Variants in SLC2A13 observed in about 807,000 individuals in gnomAD.
SLC2A13 encodes the protein solute carrier family 2 member 13, also known as proton myo-inositol cotransporter.
In SLC2A13, 32 loss-of-function variants were observed where a neutral mutation model predicts 64.4. The ratio of observed to expected loss-of-function variants is 0.50; its 90% CI spans 0.37 to 0.67. SLC2A13 has a LOEUF of 0.67. Ranked by LOEUF, SLC2A13 falls within the 30% of genes least tolerant of loss-of-function variation. The pLI is 0.00. For synonymous variants in SLC2A13, 338 were observed against 327.1 expected (o/e 1.03, Z -0.36); for missense variants, 743 against 829.2 (o/e 0.90, Z 1.28).
At chr12:39,906,776 C>T (rs1041073771) in intron 4 of SLC2A13, among the ~76,000 whole-genome samples, 3 of 151,870 alleles carry the variant, frequency 2.0e-5, no homozygotes, top group Admixed American at 6.6e-5. Context: ...AGGTCTTCTA[C>T]GATTATTTTA....
chr12:39,927,617 A>G (rs2136066655), intron 4 of SLC2A13, among the ~76,000 whole-genome samples: 1 of 152,282 alleles, frequency 6.6e-6, no homozygotes. Context: ...AAAATATTTT[A>G]TTTGCTACTG....
chr12:39,774,043 T>A (rs1294465915), intron 7 of SLC2A13, among the ~76,000 whole-genome samples: 1 of 152,170 alleles, frequency 6.6e-6, no homozygotes, highest in Admixed American at 6.5e-5. Context: ...AACATAGATA[T>A]CCCTCTAAAA....
chr12:40,014,204 C>G (rs1204205091), intron 3 of SLC2A13, among the ~76,000 whole-genome samples: 1 of 152,000 alleles, frequency 6.6e-6, no homozygotes, highest in Non-Finnish European at 1.5e-5. Context: ...TATTTCTGGC[C>G]CAGAGGTAAA....
At chr12:39,933,406 G>C (rs932163300) in intron 4 of SLC2A13, among the ~76,000 whole-genome samples, 5 of 152,198 alleles carry the variant, frequency 3.3e-5, no homozygotes, top group Non-Finnish European at 5.9e-5. Context: ...GACTTGGGCA[G>C]ATGGCAGCAG....
intron 7 of SLC2A13, among the ~76,000 whole-genome samples, chr12:39,775,124 T>C (rs1017788919): frequency 6.6e-6 from 1 of 152,208 alleles, no homozygotes; most frequent in Non-Finnish European, 1.5e-5. Context: ...CTTTCATTTA[T>C]CACAAGATTA....
At chr12:39,830,368 A>G in intron 6 of SLC2A13, 140 bp from the exon 7 acceptor site, 2 of 1,430,960 alleles carry the variant, frequency 1.4e-6, no homozygotes, top group Non-Finnish European at 9.1e-7. Context: ...GGCCAAGGAA[A>G]GTGACATGCG....
intron 4 of SLC2A13, among the ~76,000 whole-genome samples, chr12:39,903,734 T>C (rs1945197594): frequency 6.6e-6 from 1 of 152,082 alleles, no homozygotes; most frequent in African/African-American, 2.4e-5. Context: ...ATTTGAGCTG[T>C]GCATCCAACT....
intron 1 of SLC2A13, among the ~76,000 whole-genome samples, chr12:40,059,993 C>T (rs1242215861): frequency 7.9e-5 from 12 of 151,914 alleles, no homozygotes; most frequent in Admixed American, 7.9e-4. Flanking sequence ...GCCCAAAGGG[C>T]CCCAATATTA....
At chr12:40,012,304 T>C (rs1345400430) in intron 3 of SLC2A13, among the ~76,000 whole-genome samples, 1 of 152,216 alleles carries the variant, frequency 6.6e-6, no homozygotes, top group East Asian at 1.9e-4. Flanking sequence ...GTAGCATCTG[T>C]CTCCTGTCTT....
chr12:39,929,580 A>G (rs929513463), intron 4 of SLC2A13, among the ~76,000 whole-genome samples: 1 of 151,868 alleles, frequency 6.6e-6, no homozygotes, highest in Non-Finnish European at 1.5e-5. Flanking sequence ...CATGTAATAT[A>G]GGAAACAGAA....
At chr12:39,954,419 T>C (rs1236612691) in intron 3 of SLC2A13, among the ~76,000 whole-genome samples, 1 of 152,058 alleles carries the variant, frequency 6.6e-6, no homozygotes, top group Non-Finnish European at 1.5e-5. Flanking sequence ...TACTGATCAG[T>C]GTAGGTGTGT....
At chr12:40,036,692 A>T (rs1321942944) in intron 2 of SLC2A13, among the ~76,000 whole-genome samples, 1 of 152,204 alleles carries the variant, frequency 6.6e-6, no homozygotes, top group Non-Finnish European at 1.5e-5. Context: ...TGTTATAATA[A>T]GTCTTGAAAT....
intron 7 of SLC2A13, among the ~76,000 whole-genome samples, chr12:39,816,728 TC>T (rs1341537154): frequency 6.6e-6 from 1 of 152,064 alleles, no homozygotes; most frequent in Non-Finnish European, 1.5e-5. Flanking sequence ...AATAAGCCTG[TC>T]CTTTCATGGG....
intron 7 of SLC2A13, among the ~76,000 whole-genome samples, chr12:39,803,867 C>A (rs895992212): frequency 7.2e-5 from 11 of 151,952 alleles, no homozygotes; most frequent in Non-Finnish European, 1.5e-4. Flanking sequence ...AAACAAGAAT[C>A]TTCATATTTA....
chr12:39,784,014 AC>A (rs1208077028), intron 7 of SLC2A13, among the ~76,000 whole-genome samples: 3 of 152,236 alleles, frequency 2.0e-5, no homozygotes, highest in Non-Finnish European at 4.4e-5. Context: ...AATCCAGCTT[AC>A]AAGGGATGTG....
At chr12:40,076,257 A>G (rs891021903) in intron 1 of SLC2A13, among the ~76,000 whole-genome samples, 1 of 152,178 alleles carries the variant, frequency 6.6e-6, no homozygotes, top group Non-Finnish European at 1.5e-5. Context: ...TTCATCTCCC[A>G]GGTAGAGAGC....
intron 3 of SLC2A13, among the ~76,000 whole-genome samples, chr12:39,985,634 T>C (rs891229901): frequency 6.6e-6 from 1 of 152,126 alleles, no homozygotes; most frequent in Non-Finnish European, 1.5e-5. Flanking sequence ...AATGTACTGA[T>C]ACAGAAAGAC....
At chr12:40,020,516 CTT>C (rs1565592923) in intron 3 of SLC2A13, among the ~76,000 whole-genome samples, 1 of 152,184 alleles carries the variant, frequency 6.6e-6, no homozygotes, top group Admixed American at 6.6e-5. Flanking sequence ...AATTAAACCT[CTT>C]GTCTTTATAA....
intron 2 of SLC2A13, among the ~76,000 whole-genome samples, chr12:40,037,000 T>A (rs986902634): frequency 1.3e-5 from 2 of 152,242 alleles, no homozygotes; most frequent in Non-Finnish European, 2.9e-5. Flanking sequence ...GAGATGATCA[T>A]ACAGATTTGC....
Sources: gnomAD v4.1 joint callset for allele counts (sites outside exome capture counted in the v4.1 genomes callset) on GRCh38, gnomAD v4.1.1 for gene constraint, MANE v1.5 for transcripts, NCBI Gene and HGNC (gene_info 2026-07-23, HGNC 2026-07-21) for gene names.